CNTNAP2: variants seen among roughly 807,000 people sequenced by gnomAD.
CNTNAP2 encodes contactin-associated protein-like 2.
A neutral mutation model predicts 155.2 loss-of-function variants in CNTNAP2; 98 were observed. That is an observed-to-expected ratio of 0.63 (90% confidence interval 0.54 to 0.75). CNTNAP2 has a LOEUF of 0.75. CNTNAP2 is among the 30% of genes least tolerant of loss of function. CNTNAP2 has a pLI of 0.00. For missense variants in CNTNAP2, 1,727 were observed against 1,688.1 expected, an observed-to-expected ratio of 1.02 and a Z score of -0.40; for synonymous variants, 651 against 631.2, an observed-to-expected ratio of 1.03 and a Z score of -0.47.
rs577420891 is a variant in CNTNAP2 at position 148,093,824 on chromosome 7, G to A, written c.2384-24294G>A. ...GAGTCTCACTCTGTCACCCAGGCTG[G>A]GGTGCAGTGGTACAATCACAGCTCA... On this transcript the variant is annotated intron_variant, in intron 15 of 23. Coordinates refer to ENST00000361727, the MANE Select transcript of CNTNAP2 (RefSeq NM_014141.6). Among the ~76,000 whole-genome samples the A allele has an allele frequency of 2.6e-5, 4 of 152,152 alleles. No individual in the cohort carries two copies. The South Asian group carries it at 8.3e-4, about 32-fold the overall frequency.
intron 13 of CNTNAP2, among the ~76,000 whole-genome samples, chr7:147,647,534 C>G (rs1795386023): frequency 6.6e-6 from 1 of 152,164 alleles, no homozygotes; most frequent in African/African-American, 2.4e-5. Flanking sequence ...AGGGCCTAAC[C>G]TCTATCACTT....
intron 11 of CNTNAP2, among the ~76,000 whole-genome samples, chr7:147,504,228 T>A (rs1798867106): frequency 6.6e-6 from 1 of 152,080 alleles, no homozygotes; most frequent in African/African-American, 2.4e-5. Context: ...GAGTCCCCAG[T>A]GCATCAGCCT....
intron 2 of CNTNAP2, among the ~76,000 whole-genome samples, chr7:146,801,224 A>T (rs1379802677): frequency 7.6e-4 from 115 of 152,124 alleles, no homozygotes; most frequent in Admixed American, 7.5e-3. Flanking sequence ...ACTAGCTCTG[A>T]CATGAACTAA....
At position 146,960,084 on chromosome 7, in the gene CNTNAP2, G is replaced by T. The variant is rs566207444; in HGVS notation, c.403-83823G>T. Among the ~76,000 whole-genome samples the T allele has an allele frequency of 1.4e-4, 22 of 152,198 alleles. No homozygotes were observed. The South Asian group carries it at 4.6e-3, about 32-fold the overall frequency. ...CCTTCTCTTCTCGCCAGTCTTGCAG[G>T]CCACACCTTACTCCTACCACATCTT... On this transcript the variant is annotated intron_variant, in intron 3 of 23. Coordinates refer to ENST00000361727, the MANE Select transcript of CNTNAP2 (RefSeq NM_014141.6).
At chr7:147,586,702 T>C (rs549497132) in intron 12 of CNTNAP2, among the ~76,000 whole-genome samples, 43 of 152,222 alleles carry the variant, frequency 2.8e-4, no homozygotes, top group Admixed American at 1.8e-3. Flanking sequence ...TCATTAGTTG[T>C]GTTGGTTGTT....
chr7:146,929,105 T>A (rs1229632091), intron 3 of CNTNAP2, among the ~76,000 whole-genome samples: 1 of 152,200 alleles, frequency 6.6e-6, no homozygotes, highest in African/African-American at 2.4e-5. Flanking sequence ...AGCATGCAGC[T>A]GGAGATTTGA....
intron 20 of CNTNAP2, among the ~76,000 whole-genome samples, chr7:148,262,830 G>T (rs1055465807): frequency 6.6e-6 from 1 of 152,100 alleles, no homozygotes; most frequent in African/African-American, 2.4e-5. Flanking sequence ...TTGCAGAATG[G>T]TCTCGTGTCA....
At chr7:146,731,011 A>T (rs1292742008) in intron 1 of CNTNAP2, among the ~76,000 whole-genome samples, 1 of 152,202 alleles carries the variant, frequency 6.6e-6, no homozygotes, top group Admixed American at 6.5e-5. Context: ...TCATAAACTC[A>T]TGACATTTTC....
intron 1 of CNTNAP2, among the ~76,000 whole-genome samples, chr7:146,468,438 C>G (rs1796746901): frequency 6.9e-6 from 1 of 144,218 alleles, no homozygotes; most frequent in African/African-American, 2.6e-5. Flanking sequence ...AAATCAAAGT[C>G]AGGAAGAAAA....
At chr7:146,314,410 G>T (rs114579574) in intron 1 of CNTNAP2, among the ~76,000 whole-genome samples, 12 of 152,108 alleles carry the variant, frequency 7.9e-5, no homozygotes, top group African/African-American at 2.9e-4. Flanking sequence ...TGTTAGATGC[G>T]TGTTCCAGTT....
At chr7:147,386,084 C>G (rs1005207694) in intron 9 of CNTNAP2, among the ~76,000 whole-genome samples, 1 of 152,096 alleles carries the variant, frequency 6.6e-6, no homozygotes, top group East Asian at 1.9e-4. Flanking sequence ...GTATCTTGCC[C>G]CCTTTTAGTC....
At chr7:147,128,557 A>G (rs1247390452) in intron 6 of CNTNAP2, 136 bp from the exon 7 acceptor site, 8 of 898,890 alleles carry the variant, frequency 8.9e-6, no homozygotes, top group Non-Finnish European at 1.4e-5. Context: ...TATGCCATAG[A>G]TTTTGGAGGC....
chr7:147,140,938 C>T (rs963789183), intron 8 of CNTNAP2, among the ~76,000 whole-genome samples: 3 of 152,048 alleles, frequency 2.0e-5, no homozygotes, highest in East Asian at 1.9e-4. Flanking sequence ...AATGAGACTC[C>T]GGGGCCATCC....
chr7:147,724,614 C>CAG (rs1796616812), intron 13 of CNTNAP2, among the ~76,000 whole-genome samples: 1 of 152,018 alleles, frequency 6.6e-6, no homozygotes, highest in South Asian at 2.1e-4. Context: ...CTGGAAGCTA[C>CAG]AGTAGGAATG....
At chr7:148,297,415 T>C (rs1488300371) in intron 21 of CNTNAP2, among the ~76,000 whole-genome samples, 1 of 152,156 alleles carries the variant, frequency 6.6e-6, no homozygotes, top group African/African-American at 2.4e-5. Context: ...CAGAGATTAA[T>C]TACAGCCACT....
At chr7:146,599,178 A>G (rs1366561105) in intron 1 of CNTNAP2, among the ~76,000 whole-genome samples, 1 of 152,104 alleles carries the variant, frequency 6.6e-6, no homozygotes, top group Non-Finnish European at 1.5e-5. Context: ...TACCTAAATT[A>G]TTGCAATAAC....
chr7:148,225,041 A>G (rs1366242246), intron 19 of CNTNAP2, among the ~76,000 whole-genome samples: 2 of 152,162 alleles, frequency 1.3e-5, no homozygotes, highest in African/African-American at 4.8e-5. Context: ...CATATCAGAG[A>G]CCATTCAGTC....
At chr7:146,898,829 G>T (rs190427062) in intron 3 of CNTNAP2, among the ~76,000 whole-genome samples, 1 of 151,790 alleles carries the variant, frequency 6.6e-6, no homozygotes, top group East Asian at 1.9e-4. Context: ...CTTAAAAGGG[G>T]CCAGCCCTCT....
At chr7:146,689,092 A>T (rs1053961299) in intron 1 of CNTNAP2, among the ~76,000 whole-genome samples, 1 of 152,226 alleles carries the variant, frequency 6.6e-6, no homozygotes, top group Non-Finnish European at 1.5e-5. Context: ...AGGCATACAC[A>T]TATGCTGTTA....
Sources: gnomAD v4.1 joint callset for allele counts (sites outside exome capture counted in the v4.1 genomes callset) on GRCh38, gnomAD v4.1.1 for gene constraint, MANE v1.5 for transcripts, NCBI Gene and HGNC (gene_info 2026-07-23, HGNC 2026-07-21) for gene names.